Variants in JARID2 observed in about 807,000 individuals in gnomAD.
The protein encoded by JARID2 is jumonji and AT-rich interaction domain containing 2.
Under a neutral mutation model 125.6 loss-of-function variants are expected in JARID2, and 21 were observed. The ratio of observed to expected loss-of-function variants is 0.17; its 90% CI spans 0.12 to 0.24. The LOEUF is 0.24. Ranked by LOEUF, JARID2 falls within the 10% of genes least tolerant of loss-of-function variation. The pLI is 1.00. For synonymous variants in JARID2, 736 were observed against 661.6 expected (o/e 1.11, Z -1.73); for missense variants, 1,303 against 1,639.6 (o/e 0.79, Z 3.55).
chr6:15,255,434 C>T (rs967582854), intron 1 of JARID2, among the ~76,000 whole-genome samples: 7 of 151,850 alleles, frequency 4.6e-5, no homozygotes, highest in Non-Finnish European at 8.8e-5. Context: ...AACTTTTTTT[C>T]GGGGGAGGTG....
chr6:15,356,909 G>A (rs1763617938), intron 1 of JARID2, among the ~76,000 whole-genome samples: 1 of 151,742 alleles, frequency 6.6e-6, no homozygotes, highest in Admixed American at 6.6e-5. Context: ...AGCTACTTAG[G>A]AGGCTGAGTC....
intron 4 of JARID2, among the ~76,000 whole-genome samples, chr6:15,458,911 A>AAAGG (rs1768319266): frequency 6.6e-6 from 1 of 152,218 alleles, no homozygotes; most frequent in Non-Finnish European, 1.5e-5. Flanking sequence ...GCCCTGGGCT[A>AAAGG]GTTACTGGAG....
intron 1 of JARID2, among the ~76,000 whole-genome samples, chr6:15,289,707 G>A (rs1561773041): frequency 2.0e-5 from 3 of 152,164 alleles, no homozygotes; most frequent in African/African-American, 2.4e-5. Flanking sequence ...ACACACGGGC[G>A]TGGTGGTGTA....
chr6:15,306,377 C>T (rs1410374748), intron 1 of JARID2, among the ~76,000 whole-genome samples: 2 of 144,064 alleles, frequency 1.4e-5, no homozygotes, highest in Non-Finnish European at 3.0e-5. Flanking sequence ...TCTTGTTGCC[C>T]AGGGTGGAGT....
At chr6:15,371,085 G>T (rs778914670) in intron 1 of JARID2, among the ~76,000 whole-genome samples, 3 of 152,230 alleles carry the variant, frequency 2.0e-5, no homozygotes, top group Non-Finnish European at 4.4e-5. Flanking sequence ...CTGGGTCATG[G>T]ATTTGCTTCT....
chr6:15,306,491 G>A (rs1038956884), intron 1 of JARID2, among the ~76,000 whole-genome samples: 3 of 151,534 alleles, frequency 2.0e-5, no homozygotes, highest in Non-Finnish European at 2.9e-5. Context: ...CCTGCCACAC[G>A]CCCAGCTAAT....
chr6:15,261,785 T>A (rs13206371), intron 1 of JARID2, among the ~76,000 whole-genome samples: 352 of 74,658 alleles, frequency 4.7e-3, no homozygotes, highest in Non-Finnish European at 7.5e-3. Flanking sequence ...AATTCAGGGA[T>A]TTTTTTTTTT....
At chr6:15,285,106 G>GTT (rs199945772) in intron 1 of JARID2, among the ~76,000 whole-genome samples, 5,170 of 119,274 alleles carry the variant, frequency 0.043, 325 homozygotes, top group African/African-American at 0.11. Context: ...GTCTTTCTGG[G>GTT]TTTTTTTTTT....
intron 3 of JARID2, among the ~76,000 whole-genome samples, chr6:15,419,459 C>G (rs1045166612): frequency 1.3e-5 from 2 of 152,098 alleles, no homozygotes; most frequent in Non-Finnish European, 2.9e-5. Context: ...ATTTTTGTTT[C>G]TAGTATCATT....
intron 1 of JARID2, among the ~76,000 whole-genome samples, chr6:15,264,768 C>T (rs1281171782): frequency 6.6e-6 from 1 of 152,172 alleles, no homozygotes; most frequent in Non-Finnish European, 1.5e-5. Context: ...ATAACCTATA[C>T]ACATACTTGT....
chr6:15,332,930 CTTTTCTTTTTTTTTTT>C (rs1364351337), intron 1 of JARID2, among the ~76,000 whole-genome samples: 24 of 82,800 alleles, frequency 2.9e-4, no homozygotes, highest in South Asian at 9.1e-4. Context: ...CTTTTCTTTT[CTTTTCTTTTTTTTTTT>C]TTTTTTTTTT....
At chr6:15,492,136 C>A (rs757959117) in intron 6 of JARID2, among the ~76,000 whole-genome samples, 1 of 152,232 alleles carries the variant, frequency 6.6e-6, no homozygotes, top group Non-Finnish European at 1.5e-5. Flanking sequence ...AAGGAGCACA[C>A]GCTGCAGACA....
chr6:15,434,647 A>G (rs1767125121), intron 3 of JARID2, among the ~76,000 whole-genome samples: 1 of 152,208 alleles, frequency 6.6e-6, no homozygotes, highest in African/African-American at 2.4e-5. Flanking sequence ...TTTTGATAGA[A>G]TGTTATTGTG....
intron 5 of JARID2, among the ~76,000 whole-genome samples, chr6:15,485,107 C>G (rs1456089872): frequency 3.9e-5 from 6 of 152,196 alleles, no homozygotes; most frequent in Admixed American, 3.3e-4. Flanking sequence ...TTGAAACTCT[C>G]CATTTTCTGT....
chr6:15,458,898 C>T (rs1277655950), intron 4 of JARID2, among the ~76,000 whole-genome samples: 1 of 152,226 alleles, frequency 6.6e-6, no homozygotes, highest in Non-Finnish European at 1.5e-5. Flanking sequence ...TCAGATTCTG[C>T]ATGCCCTGGG....
chr6:15,384,248 G>A (rs1341279368), intron 2 of JARID2, among the ~76,000 whole-genome samples: 2 of 152,106 alleles, frequency 1.3e-5, no homozygotes, highest in African/African-American at 4.8e-5. Context: ...CACCACGCCC[G>A]GCTAATTTTT....
chr6:15,356,869 C>T (rs1763616719), intron 1 of JARID2, among the ~76,000 whole-genome samples: 1 of 151,980 alleles, frequency 6.6e-6, no homozygotes, highest in Admixed American at 6.6e-5. Context: ...ACAACATTAC[C>T]TGGTCTTGGT....
intron 3 of JARID2, among the ~76,000 whole-genome samples, chr6:15,439,537 C>G (rs1219969765): frequency 6.6e-6 from 1 of 152,166 alleles, no homozygotes; most frequent in Non-Finnish European, 1.5e-5. Flanking sequence ...GACCTTGTGG[C>G]TTTATCATTT....
chr6:15,412,969 A>C (rs1424061750), intron 3 of JARID2, among the ~76,000 whole-genome samples: 2 of 126,582 alleles, frequency 1.6e-5, no homozygotes, highest in East Asian at 4.6e-4. Context: ...CGAGTTTTAA[A>C]TTTCTGAAAC....
Sources: gnomAD v4.1 joint callset for allele counts (sites outside exome capture counted in the v4.1 genomes callset) on GRCh38, gnomAD v4.1.1 for gene constraint, MANE v1.5 for transcripts, NCBI Gene and HGNC (gene_info 2026-07-23, HGNC 2026-07-21) for gene names.